Variants in SPAG16 observed in about 807,000 individuals in gnomAD.
SPAG16 encodes sperm-associated antigen 16 protein.
SPAG16 carries 86 observed loss-of-function variants against 80.4 expected under a neutral mutation model. The observed-to-expected ratio is 1.07, with a 90% confidence interval of 0.90 to 1.28. The LOEUF (loss-of-function observed/expected upper bound fraction) is 1.28. SPAG16 is among the 50% of genes most tolerant of loss of function. The probability of loss-of-function intolerance (pLI) is 0.00; values close to 1 mark genes in which losing one functional copy is unlikely to be tolerated. For missense variants in SPAG16, 870 were observed against 765.3 expected (o/e 1.14, Z -1.61); for synonymous variants, 294 against 265.9 (o/e 1.11, Z -1.03).
chr2:213,989,231 A>G (rs1485744529), intron 12 of SPAG16, among the ~76,000 whole-genome samples: 3 of 152,140 alleles, frequency 2.0e-5, no homozygotes, highest in Non-Finnish European at 4.4e-5. Context: ...CCTGGACAAC[A>G]CTAAGAACAC....
At chr2:213,522,672 T>C (rs1001151129) in intron 10 of SPAG16, among the ~76,000 whole-genome samples, 2 of 152,112 alleles carry the variant, frequency 1.3e-5, no homozygotes, top group African/African-American at 2.4e-5. Context: ...GCAAATCCTT[T>C]CTTGAAATGG....
intron 15 of SPAG16, among the ~76,000 whole-genome samples, chr2:214,263,610 G>A (rs185828264): frequency 6.6e-6 from 1 of 152,222 alleles, no homozygotes; most frequent in Non-Finnish European, 1.5e-5. Context: ...TATTACAGCT[G>A]CACAACTACA....
intron 15 of SPAG16, among the ~76,000 whole-genome samples, chr2:214,213,809 G>A (rs548997440): frequency 1.5e-4 from 23 of 152,318 alleles, no homozygotes; most frequent in African/African-American, 5.1e-4. Flanking sequence ...GTCAGTAAGA[G>A]GTCCTGGGTA....
In SPAG16 at chr2:214,065,751, A is replaced by C. The variant is rs976675015; in HGVS notation, c.1528-42445A>C. 3.3e-5 allele frequency among the ~76,000 whole-genome samples: 5 copies of C among 152,164 alleles called. No individual in the cohort carries two copies. In the East Asian group the frequency reaches 9.6e-4, roughly 29 times the overall value. On this transcript the variant is annotated intron_variant, in intron 13 of 15. Coordinates refer to ENST00000331683, the MANE Select transcript of SPAG16 (RefSeq NM_024532.5). ...AATATGTGAGGGCCTGGTTAAAATA[A>C]GAAGCCCTCTCTGTAGCCCAGATAA... is the stretch of plus-strand genomic sequence containing the variant.
At chr2:214,176,429 C>T (rs1228955880) in intron 15 of SPAG16, among the ~76,000 whole-genome samples, 1 of 150,998 alleles carries the variant, frequency 6.6e-6, no homozygotes, top group Non-Finnish European at 1.5e-5. Flanking sequence ...CTTAATATGC[C>T]CCTCTTATCT....
intron 10 of SPAG16, among the ~76,000 whole-genome samples, chr2:213,591,946 A>G (rs1175895900): frequency 3.9e-5 from 6 of 152,220 alleles, no homozygotes; most frequent in Non-Finnish European, 8.8e-5. Context: ...AGAAATAAAC[A>G]TGGAAGCTCA....
intron 13 of SPAG16, among the ~76,000 whole-genome samples, chr2:214,037,108 G>A (rs1308904644): frequency 6.6e-6 from 1 of 151,550 alleles, no homozygotes; most frequent in Non-Finnish European, 1.5e-5. Flanking sequence ...ATTCATTTAG[G>A]CATATTCATT....
chr2:213,619,103 A>T (rs552765720), intron 10 of SPAG16, among the ~76,000 whole-genome samples: 1 of 152,292 alleles, frequency 6.6e-6, no homozygotes, highest in African/African-American at 2.4e-5. Flanking sequence ...CAGTCTCAAG[A>T]GTGTTTAAAT....
intron 10 of SPAG16, among the ~76,000 whole-genome samples, chr2:213,612,487 T>A (rs891387938): frequency 6.6e-6 from 1 of 152,176 alleles, no homozygotes; most frequent in Non-Finnish European, 1.5e-5. Context: ...ATAGATATTT[T>A]AAACTTAACA....
At chr2:213,424,825 G>T (rs2069809572) in intron 9 of SPAG16, among the ~76,000 whole-genome samples, 1 of 152,112 alleles carries the variant, frequency 6.6e-6, no homozygotes, top group African/African-American at 2.4e-5. Flanking sequence ...CTTCTCCTAG[G>T]CTCTGGGCTT....
chr2:214,374,795 A>G (rs148381180), intron 15 of SPAG16, among the ~76,000 whole-genome samples: 79 of 152,320 alleles, frequency 5.2e-4, no homozygotes, highest in African/African-American at 1.0e-3. Flanking sequence ...TCGATTAACT[A>G]AAACATCACA....
intron 15 of SPAG16, among the ~76,000 whole-genome samples, chr2:214,288,474 A>T (rs1234874511): frequency 3.9e-5 from 6 of 152,140 alleles, no homozygotes; most frequent in Non-Finnish European, 8.8e-5. Flanking sequence ...TTATGGTAGT[A>T]TTATTTTTGA....
chr2:213,859,993 TTGATGA>T (rs112613257), intron 10 of SPAG16, among the ~76,000 whole-genome samples: 34 of 150,554 alleles, frequency 2.3e-4, no homozygotes, highest in Admixed American at 6.7e-4. Flanking sequence ...TTACCATTAG[TTGATGA>T]TGATGATGAT....
At chr2:213,631,602 C>T (rs1007755294) in intron 10 of SPAG16, among the ~76,000 whole-genome samples, 14 of 152,044 alleles carry the variant, frequency 9.2e-5, no homozygotes, top group African/African-American at 3.4e-4. Context: ...GTTTGTAGGA[C>T]TTCCATAACT....
chr2:214,407,376 C>A (rs949449082), intron 15 of SPAG16, among the ~76,000 whole-genome samples: 17 of 151,994 alleles, frequency 1.1e-4, no homozygotes, highest in Non-Finnish European at 2.5e-4. Flanking sequence ...TATTTAATTT[C>A]ACATTTTTTA....
At chr2:214,023,149 C>T (rs867342581) in intron 13 of SPAG16, among the ~76,000 whole-genome samples, 1 of 151,860 alleles carries the variant, frequency 6.6e-6, no homozygotes. Context: ...CTGTAGCTTG[C>T]AGTAGGTAAT....
intron 14 of SPAG16, among the ~76,000 whole-genome samples, chr2:214,116,472 A>G (rs955032687): frequency 6.6e-6 from 1 of 152,062 alleles, no homozygotes; most frequent in African/African-American, 2.4e-5. Flanking sequence ...CTATGCAAAG[A>G]CCTGCTGGGA....
chr2:213,488,948 G>A (rs575361243), intron 9 of SPAG16, among the ~76,000 whole-genome samples: 3 of 151,590 alleles, frequency 2.0e-5, no homozygotes, highest in South Asian at 2.1e-4. Context: ...GGTGGCACGC[G>A]CCTGTAGTCC....
chr2:213,409,423 A>AC, intron 9 of SPAG16, among the ~76,000 whole-genome samples: 1 of 152,320 alleles, frequency 6.6e-6, no homozygotes, highest in East Asian at 1.9e-4. Context: ...GGTTTAAGCA[A>AC]GTTGTAAAAC....
Sources: gnomAD v4.1 joint callset for allele counts (sites outside exome capture counted in the v4.1 genomes callset) on GRCh38, gnomAD v4.1.1 for gene constraint, MANE v1.5 for transcripts, NCBI Gene and HGNC (gene_info 2026-07-23, HGNC 2026-07-21) for gene names.